Variants in UNC13D observed in about 807,000 individuals in gnomAD.
UNC13D encodes the protein protein unc-13 homolog D.
In UNC13D, 115 loss-of-function variants were observed where a neutral mutation model predicts 151.7. That is an observed-to-expected ratio of 0.76 (90% confidence interval 0.65 to 0.88). UNC13D has a LOEUF of 0.88. Ranked by LOEUF, UNC13D falls within the 40% of genes least tolerant of loss-of-function variation. UNC13D has a pLI of 0.00. For synonymous variants in UNC13D, 588 were observed against 612.2 expected (o/e 0.96, Z 0.58); for missense variants, 1,369 against 1,438.7 (o/e 0.95, Z 0.78).
intron 30 of UNC13D, chr17:75,829,808 C>A: frequency 1.7e-6 from 1 of 584,994 alleles, no homozygotes; most frequent in Non-Finnish European, 2.9e-6. Context: ...GAACTCCTGA[C>A]CTCAAGTGAT....
At position 75,834,680 on chromosome 17, in the gene UNC13D, T is replaced by C; in HGVS notation, c.2029A>G (p.Ile677Val). 1.9e-6 allele frequency: 3 copies of C among 1,613,702 alleles called. No homozygotes were observed. Among genetic ancestry groups the C allele is most frequent in the Non-Finnish European group, 2.5e-6 (3 of 1,180,012 alleles). Reference protein sequence around the residue: ...CRLALVYCSLIKARARELSSG... With the variant: ...CRLALVYCSLVKARARELSSG... ...GAGAGCTCGCGGGCCCGGGCCTTTA[T>C]AAGGCTGCAGTACACCAGGGCCAGG... The change falls in exon 22 of 32, where the codon ATA becomes GTA. Residue 677 changes from isoleucine (I) to valine (V), a missense_variant. Ile to Val is a conservative substitution (Grantham distance 29). Coordinates refer to ENST00000207549, the MANE Select transcript of UNC13D (RefSeq NM_199242.3).
Position 75,830,574 on chromosome 17 carries a change from T to C in UNC13D, c.2709+4A>G. The C allele has an allele frequency of 6.4e-7, 1 of 1,563,660 alleles. No homozygotes were observed. The highest frequency in any genetic ancestry group is 8.7e-7 in the Non-Finnish European group (1 of 1,153,958). On this transcript the variant is annotated splice_donor_region_variant and intron_variant, in intron 28 of 31. Transcript: ENST00000207549. Reference sequence around the variant, plus strand: ...GAGGGCGCAGTGCGAGGGAGGGGCCTCACCTGCTGCTGGATTCGGCTGCAG... The same window carrying C: ...GAGGGCGCAGTGCGAGGGAGGGGCCCCACCTGCTGCTGGATTCGGCTGCAG...
chr17:75,835,623 G>A (rs758373792), intron 19 of UNC13D, 24 bp downstream of exon 19: 11 of 1,612,812 alleles, frequency 6.8e-6, no homozygotes, highest in East Asian at 4.5e-5. Flanking sequence ...CCCTGCAGCC[G>A]CCCACAATTG....
Position 75,834,104 on chromosome 17 carries a change from C to A in UNC13D, c.2338G>T (p.Gly780Cys). ...TCAGGCAGGACAGACTCCCTGACGCCCACCAGTTTCTGGATGTGCTTGGCG... is the reference window on the plus strand; with the variant it reads ...TCAGGCAGGACAGACTCCCTGACGCACACCAGTTTCTGGATGTGCTTGGCG... ...GIAKHIQKLV[G>C]VRESVLPEDA... Residue 780 changes from glycine (G) to cysteine (C), a missense_variant, in exon 24 of 32, where the codon GGC (glycine) becomes TGC (cysteine). Physicochemically the swap from Gly to Cys is radical, Grantham distance 159 (BLOSUM62 -3). This residue lies in a region of UNC13D where 807 missense variants were observed against 795.5 expected (regional missense o/e 1.01). Transcript: ENST00000207549. 6.2e-7 allele frequency: 1 copy of A among 1,613,812 alleles called. No homozygotes were observed. The highest frequency in any genetic ancestry group is 8.5e-7 in the Non-Finnish European group (1 of 1,180,022).
Position 75,839,951 on chromosome 17 carries a change from A to T in UNC13D, c.952-9T>A, listed in dbSNP as rs1360179952. Reference sequence around the variant, plus strand: ...CAGGAGGTGCTTCCCGCCTGAGGGGAGCAGGTGGAGGAGTGTCAGGACCTG... The same window carrying T: ...CAGGAGGTGCTTCCCGCCTGAGGGGTGCAGGTGGAGGAGTGTCAGGACCTG... On this transcript the variant is annotated splice_polypyrimidine_tract_variant and intron_variant, in intron 11 of 31. Transcript: ENST00000207549. The T allele has an allele frequency of 6.2e-7, 1 of 1,613,432 alleles. No homozygotes were observed. Among genetic ancestry groups the T allele is most frequent in the Admixed American group, 1.7e-5 (1 of 59,978 alleles).
In UNC13D at chr17:75,843,055, CG is replaced by C. The variant is rs2064960443; in HGVS notation, c.279del (p.Glu94ArgfsTer20). ...CGCTGCAGTGTCTGCTGGTGCTCCTCGGGCTCCACGTGGAAGGCCTGGTGGG... is the reference window on the plus strand; with the variant it reads ...CGCTGCAGTGTCTGCTGGTGCTCCTCGGCTCCACGTGGAAGGCCTGGTGGG... ...RYLQEAFHVE[P>X]EEHQQTLQRV... On this transcript the variant is annotated frameshift_variant, in exon 4 of 32. Coordinates refer to ENST00000207549, the MANE Select transcript of UNC13D (RefSeq NM_199242.3). LOFTEE classifies it high-confidence loss of function. 1 of 1,408,290 alleles carries C rather than the reference CG, an allele frequency of 7.1e-7. No homozygotes were observed. Among genetic ancestry groups the C allele is most frequent in the South Asian group, 1.1e-5 (1 of 88,282 alleles). 87.2% of individuals were successfully genotyped at this position (1,408,290 alleles called of 1,614,324 possible).
Position 75,827,745 on chromosome 17 carries a change from C to A in UNC13D, c.*220G>T. Reference sequence around the variant, plus strand: ...TGGGATGTGGTAGAGACATTGCAGCCAGGGCTGGAGGCAGGGAGGCGGGAG... The same window carrying A: ...TGGGATGTGGTAGAGACATTGCAGCAAGGGCTGGAGGCAGGGAGGCGGGAG... On this transcript the variant is annotated 3_prime_UTR_variant, in exon 32 of 32. Coordinates refer to ENST00000207549, the MANE Select transcript of UNC13D (RefSeq NM_199242.3). 6.7e-7 allele frequency: 1 copy of A among 1,491,600 alleles called. No individual in the cohort carries two copies. The highest frequency in any genetic ancestry group is 1.3e-5 in the South Asian group (1 of 78,798). The allele number at this position is 1,491,600 out of a possible 1,614,324, so 92.4% of individuals were successfully genotyped here. A position where few individuals can be genotyped will look rare whatever the true frequency, so the allele number is the denominator to read the frequency against.
Position 75,836,614 on chromosome 17 carries a change from A to C in UNC13D, c.1256T>G (p.Leu419Arg). 6.2e-7 allele frequency: 1 copy of C among 1,613,654 alleles called. No homozygotes were observed. The highest frequency in any genetic ancestry group is 8.5e-7 in the Non-Finnish European group (1 of 1,179,974). Residue 419 changes from leucine (L) to arginine (R), a missense_variant, in exon 14 of 32, where the codon CTC becomes CGC. Transcript: ENST00000207549. ...LIRRFRSVFP[L>R]SVSDSPARLQ... ...CCGGGCTGGGGAGTCCGAGACAGAG[A>C]GGGGGAAGACAGAGCGGAACCTCCG...
Position 75,840,878 on chromosome 17 carries a change from C to T in UNC13D, c.615-48G>A. On this transcript the variant is annotated intron_variant, in intron 7 of 31. Transcript: ENST00000207549. The surrounding 1 kb of genome is among the most constrained non-coding windows in gnomAD (Gnocchi z 4.6). Reference sequence around the variant, plus strand: ...AGGAAGCAGAGAGAGTGCCTACGACCTCTTCCAGGAGGAGGTTCCGCCTCT... The same window carrying T: ...AGGAAGCAGAGAGAGTGCCTACGACTTCTTCCAGGAGGAGGTTCCGCCTCT... 5 of 1,614,024 alleles carry T rather than the reference C, an allele frequency of 3.1e-6. No homozygotes were observed. Among genetic ancestry groups the T allele is most frequent in the Non-Finnish European group, 4.2e-6 (5 of 1,179,956 alleles).
rs766217093 is a variant in UNC13D, at chr17:75,836,699, G to A, written c.1174-3C>T. 1.9e-6 allele frequency: 3 copies of A among 1,613,570 alleles called. No homozygotes were observed. Among genetic ancestry groups the A allele is most frequent in the Non-Finnish European group, 2.5e-6 (3 of 1,180,024 alleles). On this transcript the variant is annotated splice_region_variant and splice_polypyrimidine_tract_variant and intron_variant, in intron 13 of 31. Coordinates refer to ENST00000207549, the MANE Select transcript of UNC13D (RefSeq NM_199242.3). ...AATGAGGCGGCCAGCTCCTCCTGCT[G>A]AAGAGCCAGGAGATGCTTTAGGGGC...
chr17:75,835,764 A>T lies in UNC13D; in HGVS notation c.1610T>A (p.Val537Glu). The stretch of plus-strand genomic sequence containing the variant: ...ACCCACAACCGTCGTGTGGTCCTGC[A>T]CCCGCTTGGCCACCTGCAAAGGAAA... The part of the protein sequence containing the change: ...RELQWLVAKR[V>E]QDHTTVVGDV... The change falls in exon 19 of 32, where the codon GTG becomes GAG. Residue 537 changes from valine (V) to glutamate (E), a missense_variant. Transcript: ENST00000207549. 1 of 1,613,762 alleles carries T rather than the reference A, an allele frequency of 6.2e-7. No individual in the cohort carries two copies. The highest frequency in any genetic ancestry group is 8.5e-7 in the Non-Finnish European group (1 of 1,180,004).
intron 27 of UNC13D, among the ~76,000 whole-genome samples, chr17:75,830,880 C>T (rs1208288723): frequency 3.3e-5 from 5 of 152,340 alleles, no homozygotes; most frequent in African/African-American, 4.8e-5. Context: ...CCCCACCCCC[C>T]ATGCGGGCAC....
At chr17:75,830,528 CG>C in intron 28 of UNC13D, 46 bp from the exon 29 acceptor site, 2 of 1,579,910 alleles carry the variant, frequency 1.3e-6, no homozygotes, top group Non-Finnish European at 8.6e-7. Context: ...ACAGCGGGAG[CG>C]GGGTGCTCCA....
chr17:75,833,051 G>T lies in UNC13D; in HGVS notation c.2368-6C>A. On this transcript the variant is annotated splice_region_variant and splice_polypyrimidine_tract_variant and intron_variant, in intron 24 of 31. Coordinates refer to ENST00000207549, the MANE Select transcript of UNC13D (RefSeq NM_199242.3). The surrounding 1 kb of genome is among the most constrained non-coding windows in gnomAD (Gnocchi z 4.0). ...TTCATCAGGGGCAGAATGGCCTGGG[G>T]AGGGAGATGGGGAGCAGGTGTGGCT... 1 of 1,602,416 alleles carries T rather than the reference G, an allele frequency of 6.2e-7. No individual in the cohort carries two copies. The highest frequency in any genetic ancestry group is 1.1e-5 in the South Asian group (1 of 88,528).
intron 12 of UNC13D, among the ~76,000 whole-genome samples, chr17:75,837,211 A>G (rs1599409890): frequency 6.6e-6 from 1 of 151,600 alleles, no homozygotes; most frequent in Non-Finnish European, 1.5e-5. Flanking sequence ...GACTACAGGC[A>G]TGTACCACCA....
At position 75,828,937 on chromosome 17, in the gene UNC13D, G is replaced by A. The variant is rs1797449728; in HGVS notation, c.3001C>T (p.Leu1001Phe). ...AGCGTGTCGTAGTCCAGCACGGTGA[G>A]CAGGAGGCATGCCCCAGCCTTGCGG... is the stretch of plus-strand genomic sequence containing the variant. ...PCRKAGACLL[L>F]TVLDYDTLGA... is the part of the protein sequence containing the mutation. The change falls in exon 31 of 32, where the codon CTC becomes TTC. Residue 1001 changes from leucine (L) to phenylalanine (F), a missense_variant. This residue lies in a region of UNC13D where 807 missense variants were observed against 795.5 expected (regional missense o/e 1.01). Coordinates refer to ENST00000207549, the MANE Select transcript of UNC13D (RefSeq NM_199242.3). 1 of 1,606,316 alleles carries A rather than the reference G, an allele frequency of 6.2e-7. No homozygotes were observed. Among genetic ancestry groups the A allele is most frequent in the Non-Finnish European group, 8.5e-7 (1 of 1,179,722 alleles).
At position 75,830,590 on chromosome 17, in the gene UNC13D, T is replaced by TCGGCTGCAGAAGTACTTC. The variant is rs2064864897; in HGVS notation, c.2679_2696dup (p.Lys894_Arg899dup). 6.4e-7 allele frequency: 1 copy of TCGGCTGCAGAAGTACTTC among 1,561,124 alleles called. No homozygotes were observed. The highest frequency in any genetic ancestry group is 1.2e-5 in the South Asian group (1 of 84,932). On this transcript the variant is annotated inframe_insertion, in exon 28 of 32. Coordinates refer to ENST00000207549, the MANE Select transcript of UNC13D (RefSeq NM_199242.3). Reference sequence around the variant, plus strand: ...GGAGGGGCCTCACCTGCTGCTGGATTCGGCTGCAGAAGTACTTCCGGATGA... The same window carrying TCGGCTGCAGAAGTACTTC: ...GGAGGGGCCTCACCTGCTGCTGGATTCGGCTGCAGAAGTACTTCCGGCTGCAGAAGTACTTCCGGATGA...
At chr17:75,828,638 G>T in intron 31 of UNC13D, 149 bp downstream of exon 31, 1 of 909,656 alleles carries the variant, frequency 1.1e-6, no homozygotes, top group Non-Finnish European at 1.6e-6. Context: ...CTGGTCTCTT[G>T]ATTAGACCGA....
Position 75,833,069 on chromosome 17 carries a change from G to T in UNC13D, c.2368-24C>A. 6.3e-6 allele frequency: 10 copies of T among 1,590,078 alleles called. No homozygotes were observed. The highest frequency in any genetic ancestry group is 8.6e-6 in the Non-Finnish European group (10 of 1,168,832). On this transcript the variant is annotated intron_variant, in intron 24 of 31. Coordinates refer to ENST00000207549, the MANE Select transcript of UNC13D (RefSeq NM_199242.3). The surrounding 1 kb of genome is among the most constrained non-coding windows in gnomAD (Gnocchi z 4.0). Reference sequence around the variant, plus strand: ...GCCTGGGGAGGGAGATGGGGAGCAGGTGTGGCTCCGGCCCATGTTGGCCCC... The same window carrying T: ...GCCTGGGGAGGGAGATGGGGAGCAGTTGTGGCTCCGGCCCATGTTGGCCCC...
Sources: allele counts gnomAD v4.1 joint callset (sites outside exome capture counted in the v4.1 genomes callset), GRCh38; gene constraint gnomAD v4.1.1; regional missense constraint gnomAD v4.1.1; non-coding constraint Gnocchi (gnomAD v3.1); transcripts MANE v1.5; gene names NCBI Gene and HGNC (gene_info 2026-07-23, HGNC 2026-07-21).